The following GRM7 variants were observed in gnomAD, a reference collection of about 807,000 sequenced individuals.
GRM7 encodes the protein metabotropic glutamate receptor 7.
Under a neutral mutation model 84.5 loss-of-function variants are expected in GRM7, and 35 were observed. The ratio of observed to expected loss-of-function variants is 0.41; its 90% CI spans 0.32 to 0.55. The LOEUF (loss-of-function observed/expected upper bound fraction) is 0.55. Among genes scored for constraint, GRM7 ranks in the 20% least tolerant of loss-of-function variants. The pLI is 0.19. For synonymous variants in GRM7, 487 were observed against 455.1 expected (o/e 1.07, Z -0.89); for missense variants, 1,003 against 1,194.6 (o/e 0.84, Z 2.36).
At chr3:7,121,889 T>C (rs955281184) in intron 1 of GRM7, among the ~76,000 whole-genome samples, 16 of 152,268 alleles carry the variant, frequency 1.1e-4, no homozygotes, top group African/African-American at 3.9e-4. Flanking sequence ...AGAGCTCTCG[T>C]GAATGGGTGA....
intron 4 of GRM7, among the ~76,000 whole-genome samples, chr3:7,408,962 A>C (rs1327048697): frequency 6.6e-6 from 1 of 152,158 alleles, no homozygotes; most frequent in Non-Finnish European, 1.5e-5. Flanking sequence ...ATTAAAACGC[A>C]TTGTTTTGCT....
intron 7 of GRM7, among the ~76,000 whole-genome samples, chr3:7,509,910 G>T (rs1025456398): frequency 6.6e-6 from 1 of 152,090 alleles, no homozygotes; most frequent in African/African-American, 2.4e-5. Flanking sequence ...CTCTGATTTT[G>T]CCTTTTTAAT....
intron 1 of GRM7, among the ~76,000 whole-genome samples, chr3:6,922,732 T>C (rs1023940347): frequency 6.6e-6 from 1 of 152,220 alleles, no homozygotes; most frequent in Non-Finnish European, 1.5e-5. Flanking sequence ...TAACACATTA[T>C]AATTCATCTG....
In GRM7 at chr3:7,467,690, A is replaced by G. The variant is rs906963395; in HGVS notation, c.1515+5968A>G. Among the ~76,000 whole-genome samples, 3 of 152,304 alleles carry G rather than the reference A, an allele frequency of 2.0e-5. No individual in the cohort carries two copies. The East Asian group carries it at 5.8e-4, about 29-fold the overall frequency. On this transcript the variant is annotated intron_variant, in intron 7 of 9. Transcript: ENST00000357716. ...AGGTCATATTGTTTGTGCCCTAGGA[A>G]ATCCTTACCACAAGCCATTTATAAT... is the stretch of plus-strand genomic sequence containing the variant.
At chr3:6,935,208 C>T (rs1697645001) in intron 1 of GRM7, among the ~76,000 whole-genome samples, 2 of 152,300 alleles carry the variant, frequency 1.3e-5, no homozygotes, top group Admixed American at 6.5e-5. Context: ...ATTCCTTCTA[C>T]TTGATTCCAC....
At chr3:7,131,701 T>C (rs1693606246) in intron 1 of GRM7, among the ~76,000 whole-genome samples, 1 of 151,980 alleles carries the variant, frequency 6.6e-6, no homozygotes, top group African/African-American at 2.4e-5. Flanking sequence ...ATGGACTCGA[T>C]CTCTTGACCT....
chr3:7,489,945 C>T (rs949979893), intron 7 of GRM7, among the ~76,000 whole-genome samples: 18 of 151,500 alleles, frequency 1.2e-4, no homozygotes, highest in African/African-American at 4.1e-4. Flanking sequence ...ACACTATATA[C>T]TCCATATTAT....
At chr3:7,056,499 T>G (rs1697226708) in intron 1 of GRM7, among the ~76,000 whole-genome samples, 1 of 151,972 alleles carries the variant, frequency 6.6e-6, no homozygotes, top group South Asian at 2.1e-4. Flanking sequence ...GACTCCATTT[T>G]GAGACATTTA....
intron 1 of GRM7, among the ~76,000 whole-genome samples, chr3:7,088,318 C>T (rs1698533849): frequency 6.6e-6 from 1 of 152,042 alleles, no homozygotes; most frequent in Non-Finnish European, 1.5e-5. Context: ...TAAAAAGGGG[C>T]AATGAACTCA....
At chr3:7,728,555 C>T (rs1057249275) in intron 9 of GRM7, among the ~76,000 whole-genome samples, 12 of 152,078 alleles carry the variant, frequency 7.9e-5, no homozygotes, top group Non-Finnish European at 1.6e-4. Flanking sequence ...ACTTCAAACC[C>T]CCCAGAAATT....
chr3:7,437,255 T>C (rs1311413034), intron 5 of GRM7, among the ~76,000 whole-genome samples: 1 of 152,196 alleles, frequency 6.6e-6, no homozygotes, highest in East Asian at 1.9e-4. Flanking sequence ...GTGAGTTCAA[T>C]TTTAAAGTTC....
At chr3:7,056,260 A>G (rs571819887) in intron 1 of GRM7, among the ~76,000 whole-genome samples, 7 of 152,086 alleles carry the variant, frequency 4.6e-5, no homozygotes, top group African/African-American at 1.4e-4. Context: ...AGAGTTCTCA[A>G]TGGCAGAGCT....
At chr3:7,672,648 A>C (rs964984818) in intron 8 of GRM7, among the ~76,000 whole-genome samples, 3 of 137,318 alleles carry the variant, frequency 2.2e-5, no homozygotes, top group African/African-American at 8.3e-5. Context: ...TCTGTCACCC[A>C]GGCTGGAGTG....
At chr3:7,059,663 C>T (rs993215683) in intron 1 of GRM7, among the ~76,000 whole-genome samples, 4 of 151,612 alleles carry the variant, frequency 2.6e-5, no homozygotes, top group African/African-American at 9.7e-5. Flanking sequence ...ACCTAAAATA[C>T]CTAGGTGATA....
chr3:7,195,906 A>C (rs180778454), intron 2 of GRM7, among the ~76,000 whole-genome samples: 93 of 152,288 alleles, frequency 6.1e-4, no homozygotes, highest in Non-Finnish European at 1.1e-3. Flanking sequence ...CTGTTGTGTT[A>C]GTCAGGGTTC....
intron 9 of GRM7, among the ~76,000 whole-genome samples, chr3:7,721,142 A>G (rs1391983091): frequency 6.6e-6 from 1 of 152,250 alleles, no homozygotes; most frequent in Non-Finnish European, 1.5e-5. Flanking sequence ...AGTTCTTAAC[A>G]GGATCCATAT....
intron 4 of GRM7, among the ~76,000 whole-genome samples, chr3:7,331,422 T>A (rs1298285121): frequency 6.6e-6 from 1 of 152,120 alleles, no homozygotes; most frequent in Non-Finnish European, 1.5e-5. Flanking sequence ...AATCAAACAA[T>A]TTGAAGGATG....
At chr3:7,552,376 A>G (rs903386954) in intron 7 of GRM7, among the ~76,000 whole-genome samples, 4 of 152,122 alleles carry the variant, frequency 2.6e-5, no homozygotes, top group Non-Finnish European at 5.9e-5. Context: ...TTGATCTACC[A>G]TTCTGGGCTC....
At chr3:7,633,606 A>C (rs1400023574) in intron 8 of GRM7, among the ~76,000 whole-genome samples, 1 of 152,138 alleles carries the variant, frequency 6.6e-6, no homozygotes, top group Non-Finnish European at 1.5e-5. Flanking sequence ...CTAAATACTG[A>C]AGCCCTTCTA....
Sources: allele counts gnomAD v4.1 joint callset (sites outside exome capture counted in the v4.1 genomes callset), GRCh38; gene constraint gnomAD v4.1.1; transcripts MANE v1.5; gene names NCBI Gene and HGNC (gene_info 2026-07-23, HGNC 2026-07-21).